The following DHRS3 variants were observed in gnomAD, a reference collection of about 807,000 sequenced individuals.
DHRS3 encodes the protein dehydrogenase/reductase 3, also known as short-chain dehydrogenase/reductase 3.
Under a neutral mutation model 27.2 loss-of-function variants are expected in DHRS3, and 14 were observed. That is an observed-to-expected ratio of 0.52 (90% confidence interval 0.34 to 0.81). The LOEUF (loss-of-function observed/expected upper bound fraction) is 0.81, where lower values mean the gene tolerates loss of function less well. Among genes scored for constraint, DHRS3 ranks in the 30% least tolerant of loss-of-function variants. DHRS3 has a pLI of 0.01. For missense variants in DHRS3, 322 were observed against 406.2 expected (o/e 0.79, Z 1.78); for synonymous variants, 165 against 175.9 (o/e 0.94, Z 0.49).
At chr1:12,569,262 C>CACAT (rs1553137462) in intron 5 of DHRS3, among the ~76,000 whole-genome samples, 4 of 148,580 alleles carry the variant, frequency 2.7e-5, no homozygotes, top group African/African-American at 7.4e-5. Context: ...CACACACACA[C>CACAT]TCTTTTTAAA....
chr1:12,617,183 G>A lies in DHRS3; in HGVS notation c.166C>T (p.Arg56Cys), dbSNP rs148358973. Residue 56 changes from arginine (R) to cysteine (C), a missense_variant, in exon 1 of 6, where the codon CGC (arginine) becomes TGC (cysteine). Arg to Cys is a radical substitution (Grantham distance 180, BLOSUM62 -3). Transcript: ENST00000616661. ...GGRGIGRQLA[R>C]EFAERGARKI... ...CTGGCGCCGCGCTCCGCGAACTCGC[G>A]GGCGAGCTGACGCCCGATGCCTCTC... 2.7e-3 allele frequency: 4,367 copies of A among 1,612,584 alleles called. 12 individuals are homozygous for A. Among genetic ancestry groups the A allele is most frequent in the Non-Finnish European group, 3.2e-3 (3,750 of 1,179,728 alleles).
Position 12,572,727 on chromosome 1 carries a change from C to T in DHRS3, c.824+1G>A, listed in dbSNP as rs74687195. 1.3e-6 allele frequency: 2 copies of T among 1,594,272 alleles called. No individual in the cohort carries two copies. The highest frequency in any genetic ancestry group is 1.7e-6 in the Non-Finnish European group (2 of 1,170,208). On this transcript the variant is annotated splice_donor_variant, in intron 5 of 5. Transcript: ENST00000616661. LOFTEE classifies it high-confidence loss of function. ...CAGAGTGTTCTTTCCCAGCCCCATA[C>T]CTTTTCAAGATAACGAGGGCATGCA...
At chr1:12,585,015 CTGTG>C (rs372484018) in intron 1 of DHRS3, among the ~76,000 whole-genome samples, 3 of 143,038 alleles carry the variant, frequency 2.1e-5, no homozygotes, top group Non-Finnish European at 3.1e-5. Context: ...GTGTGCATCT[CTGTG>C]TGTGTGTGTG....
At chr1:12,605,078 C>CAA (rs36031555) in intron 1 of DHRS3, among the ~76,000 whole-genome samples, 1,243 of 97,872 alleles carry the variant, frequency 0.013, 31 homozygotes, top group African/African-American at 0.037. Flanking sequence ...AACTCCATCT[C>CAA]AAAAAAAAAA....
Position 12,608,996 on chromosome 1 carries a change from T to G in DHRS3, c.195+8158A>C, listed in dbSNP as rs527658050. The stretch of plus-strand genomic sequence containing the variant: ...GGCCCTGTCAAAGTGCTGGCCCACA[T>G]GGACACAATACCCCAGAAGTCGTTT... On this transcript the variant is annotated intron_variant, in intron 1 of 5. Coordinates refer to ENST00000616661, the MANE Select transcript of DHRS3 (RefSeq NM_004753.7). This position sits in a 1 kb window ranked among gnomAD's most constrained non-coding sequence, Gnocchi z 4.1. 6.6e-6 allele frequency among the ~76,000 whole-genome samples: 1 copy of G among 152,226 alleles called. No homozygotes were observed. Among genetic ancestry groups the G allele is most frequent in the Non-Finnish European group, 1.5e-5 (1 of 68,036 alleles).
Position 12,608,037 on chromosome 1 carries a change from C to G in DHRS3, c.195+9117G>C, listed in dbSNP as rs1279419805. On this transcript the variant is annotated intron_variant, in intron 1 of 5. Transcript: ENST00000616661. This position sits in a 1 kb window ranked among gnomAD's most constrained non-coding sequence, Gnocchi z 4.1. Reference sequence around the variant, plus strand: ...GGATCCCAGGCATGCACCACCATGCCAGATAATTTTTGTATTTTTAGTAGA... The same window carrying G: ...GGATCCCAGGCATGCACCACCATGCGAGATAATTTTTGTATTTTTAGTAGA... Among the ~76,000 whole-genome samples, 2 of 152,018 alleles carry G rather than the reference C, an allele frequency of 1.3e-5. No homozygotes were observed. Among genetic ancestry groups the G allele is most frequent in the African/African-American group, 4.8e-5 (2 of 41,392 alleles).
chr1:12,598,249 A>G (rs1646811842), intron 1 of DHRS3, among the ~76,000 whole-genome samples: 1 of 152,146 alleles, frequency 6.6e-6, no homozygotes, highest in Non-Finnish European at 1.5e-5. Flanking sequence ...TTAGCCAGGC[A>G]TGGTGGTGCG....
rs188583549 is a variant in DHRS3 at position 12,606,742 on chromosome 1, G to A, written c.195+10412C>T. 7.2e-3 allele frequency among the ~76,000 whole-genome samples: 1,099 copies of A among 151,998 alleles called. 13 individuals carry two copies. Among genetic ancestry groups the A allele is most frequent in the African/African-American group, 0.025 (1,050 of 41,448 alleles). ...GAACTCCCGACCAGGTGATCCGCCC[G>A]CCTCAGCCTCCCAAAGTGCTGGGAT... On this transcript the variant is annotated intron_variant, in intron 1 of 5. Transcript: ENST00000616661.
At chr1:12,616,485 C>T (rs922696110) in intron 1 of DHRS3, 1 of 893,516 alleles carries the variant, frequency 1.1e-6, no homozygotes, top group Non-Finnish European at 1.3e-6. Flanking sequence ...GGGGAGGGAT[C>T]CCTGGGGGGT....
intron 1 of DHRS3, among the ~76,000 whole-genome samples, chr1:12,583,075 A>C (rs1452623417): frequency 1.5e-5 from 2 of 137,860 alleles, no homozygotes; most frequent in East Asian, 2.1e-4. Context: ...CCATTCCATT[A>C]ATCTGTCCAC....
chr1:12,604,130 A>G (rs1475553241), intron 1 of DHRS3, among the ~76,000 whole-genome samples: 5 of 152,300 alleles, frequency 3.3e-5, no homozygotes, highest in African/African-American at 1.2e-4. Flanking sequence ...GAAGGGCTCT[A>G]CAACCAGCAG....
At chr1:12,615,318 T>G (rs1035740714) in intron 1 of DHRS3, among the ~76,000 whole-genome samples, 2 of 152,178 alleles carry the variant, frequency 1.3e-5, no homozygotes, top group Admixed American at 6.5e-5. Context: ...CAGGCCCCCA[T>G]GGATCCTGTT....
Position 12,594,424 on chromosome 1 carries a change from G to A in DHRS3, c.196-13758C>T, listed in dbSNP as rs973571071. Among the ~76,000 whole-genome samples, 3 of 152,182 alleles carry A rather than the reference G, an allele frequency of 2.0e-5. No homozygotes were observed. Among genetic ancestry groups the A allele is most frequent in the Non-Finnish European group, 4.4e-5 (3 of 68,044 alleles). ...ACAATGAGCATGAACACTTGTTCACGTGAACGAATGACTGTATAGTAAGTA... is the reference window on the plus strand; with the variant it reads ...ACAATGAGCATGAACACTTGTTCACATGAACGAATGACTGTATAGTAAGTA... On this transcript the variant is annotated intron_variant, in intron 1 of 5. Coordinates refer to ENST00000616661, the MANE Select transcript of DHRS3 (RefSeq NM_004753.7). The surrounding 1 kb of genome is among the most constrained non-coding windows in gnomAD (Gnocchi z 4.1).
In DHRS3 at chr1:12,591,492, C is replaced by T. The variant is rs1199829619; in HGVS notation, c.196-10826G>A. ...GTGTCGCCCTCCCACAAGTCCCTGA[C>T]CGCAACCTGGAGCAGGGCAGAGACT... On this transcript the variant is annotated intron_variant, in intron 1 of 5. Coordinates refer to ENST00000616661, the MANE Select transcript of DHRS3 (RefSeq NM_004753.7). The surrounding 1 kb of genome is among the most constrained non-coding windows in gnomAD (Gnocchi z 4.1). 6.6e-6 allele frequency among the ~76,000 whole-genome samples: 1 copy of T among 152,258 alleles called. No individual in the cohort carries two copies. The highest frequency in any genetic ancestry group is 1.5e-5 in the Non-Finnish European group (1 of 68,044).
intron 4 of DHRS3, among the ~76,000 whole-genome samples, chr1:12,576,999 C>T (rs1646594286): frequency 6.6e-6 from 1 of 151,692 alleles, no homozygotes; most frequent in African/African-American, 2.4e-5. Flanking sequence ...ACAATCAACA[C>T]CGCACTGTCC....
intron 1 of DHRS3, among the ~76,000 whole-genome samples, chr1:12,585,335 GTC>G (rs1646687520): frequency 6.6e-6 from 1 of 150,540 alleles, no homozygotes; most frequent in South Asian, 2.1e-4. Flanking sequence ...GTCTCTGTGT[GTC>G]TGTGTCTCTG....
At chr1:12,598,658 A>G (rs1301634447) in intron 1 of DHRS3, among the ~76,000 whole-genome samples, 1 of 152,182 alleles carries the variant, frequency 6.6e-6, no homozygotes, top group Non-Finnish European at 1.5e-5. Flanking sequence ...CACTAGGTAT[A>G]TGGCCTATCT....
chr1:12,584,355 G>T (rs960121668), intron 1 of DHRS3, among the ~76,000 whole-genome samples: 6 of 152,086 alleles, frequency 3.9e-5, no homozygotes, highest in African/African-American at 1.4e-4. Context: ...GGGCCAGGAA[G>T]CCCCCCAGGC....
At chr1:12,582,184 G>A (rs1382383807) in intron 1 of DHRS3, among the ~76,000 whole-genome samples, 1 of 152,172 alleles carries the variant, frequency 6.6e-6, no homozygotes, top group Non-Finnish European at 1.5e-5. Context: ...ATAAGGAGTT[G>A]CTAATGGTAA....
Sources: allele counts gnomAD v4.1 joint callset (sites outside exome capture counted in the v4.1 genomes callset), GRCh38; gene constraint gnomAD v4.1.1; non-coding constraint Gnocchi (gnomAD v3.1); transcripts MANE v1.5; gene names NCBI Gene and HGNC (gene_info 2026-07-23, HGNC 2026-07-21).